Variants in APC observed in about 807,000 individuals in gnomAD.
The protein encoded by APC is adenomatous polyposis coli protein.
A neutral mutation model predicts 247.0 loss-of-function variants in APC; 72 were observed. The observed-to-expected ratio is 0.29, with a 90% confidence interval of 0.24 to 0.35. The LOEUF (loss-of-function observed/expected upper bound fraction) is 0.35. Among genes scored for constraint, APC ranks in the 10% least tolerant of loss-of-function variants. APC has a pLI of 1.00. For missense variants in APC, 3,400 were observed against 3,360.7 expected (o/e 1.01, Z -0.29); for synonymous variants, 1,254 against 1,162.5 (o/e 1.08, Z -1.60).
intron 5 of APC, among the ~76,000 whole-genome samples, chr5:112,779,780 C>T (rs1347344920): frequency 1.3e-5 from 2 of 152,106 alleles, no homozygotes; most frequent in Non-Finnish European, 2.9e-5. Flanking sequence ...TATTGCAACC[C>T]ATAATTTGGG....
intron 1 of APC, among the ~76,000 whole-genome samples, chr5:112,721,585 G>A (rs1374618485): frequency 6.6e-6 from 1 of 152,158 alleles, no homozygotes; most frequent in African/African-American, 2.4e-5. Context: ...GTGTTAGGTG[G>A]GTAATCCACG....
chr5:112,792,484 A>T lies in APC; in HGVS notation c.684A>T (p.Ile228=), dbSNP rs1057521466. Residue 228 remains isoleucine (I), a synonymous_variant, in exon 7 of 16, where the codon ATA becomes ATT. Coordinates refer to ENST00000257430, the MANE Select transcript of APC (RefSeq NM_000038.6). The part of the protein sequence containing the change: ...IARIQQIEKD[I]LRIRQLLQSQ... ...GAATTCAGCAAATCGAAAAGGACATACTTCGTATACGACAGCTTTTACAGT... is the reference window on the plus strand; with the variant it reads ...GAATTCAGCAAATCGAAAAGGACATTCTTCGTATACGACAGCTTTTACAGT... 2 of 1,612,498 alleles carry T rather than the reference A, an allele frequency of 1.2e-6. No homozygotes were observed. Among genetic ancestry groups the T allele is most frequent in the Non-Finnish European group, 1.7e-6 (2 of 1,179,060 alleles).
chr5:112,779,601 T>C (rs988967407), intron 5 of APC, among the ~76,000 whole-genome samples: 3 of 152,196 alleles, frequency 2.0e-5, no homozygotes, highest in African/African-American at 7.2e-5. Flanking sequence ...AAATACCTAC[T>C]TATCAAAACA....
In APC at chr5:112,839,078, TATAGC is replaced by T. The variant is rs1561585111; in HGVS notation, c.3488_3492del (p.Ser1163LysfsTer3). ...TGAAGAAGAAGAGAGACCAACAAAT[TATAGC>T]ATAAAATATAATGAAGAGAAACGTC... On this transcript the variant is annotated frameshift_variant, in exon 16 of 16. Coordinates refer to ENST00000257430, the MANE Select transcript of APC (RefSeq NM_000038.6). LOFTEE classifies it high-confidence loss of function. The surrounding 1 kb of genome is among the most constrained non-coding windows in gnomAD (Gnocchi z 5.0). The T allele has an allele frequency of 6.2e-7, 1 of 1,614,076 alleles. No homozygotes were observed. The highest frequency in any genetic ancestry group is 8.5e-7 in the Non-Finnish European group (1 of 1,180,008).
chr5:112,747,495 ACACTC>A (rs1753823467), intron 1 of APC, among the ~76,000 whole-genome samples: 1 of 152,244 alleles, frequency 6.6e-6, no homozygotes, highest in South Asian at 2.1e-4. Flanking sequence ...TTAGACCACT[ACACTC>A]ATGCCATACA....
intron 14 of APC, among the ~76,000 whole-genome samples, chr5:112,830,675 G>T (rs550231018): frequency 2.2e-4 from 33 of 152,272 alleles, no homozygotes; most frequent in African/African-American, 7.9e-4. Context: ...GCAAATTGTG[G>T]AATATTTGTA....
chr5:112,801,534 A>C (rs1341325017), intron 8 of APC, 151 bp downstream of exon 8: 1 of 571,766 alleles, frequency 1.7e-6, no homozygotes, highest in African/African-American at 1.9e-5. Context: ...ATGTGCTGTC[A>C]TTTCTCTTTA....
intron 1 of APC, among the ~76,000 whole-genome samples, chr5:112,715,416 T>G (rs1406444520): frequency 6.6e-6 from 1 of 152,168 alleles, no homozygotes; most frequent in East Asian, 1.9e-4. Context: ...GATACTACTT[T>G]AGTTTGGTAA....
intron 8 of APC, among the ~76,000 whole-genome samples, chr5:112,809,639 G>T (rs1335344569): frequency 6.6e-6 from 1 of 151,324 alleles, no homozygotes; most frequent in Non-Finnish European, 1.5e-5. Flanking sequence ...CTTGTCAAAT[G>T]CAATTCCTTG....
At position 112,828,020 on chromosome 5, in the gene APC, T is replaced by TTTCAC. The variant is rs1158901127; in HGVS notation, c.1626+15_1626+19dup. On this transcript the variant is annotated intron_variant, in intron 13 of 15. Coordinates refer to ENST00000257430, the MANE Select transcript of APC (RefSeq NM_000038.6). ...GACTTACAGCAGGTACTATTTAGAA[T>TTTCAC]TTCACCTGTTTTTCTTTTTTCTCTT... 6.2e-7 allele frequency: 1 copy of TTTCAC among 1,607,106 alleles called. No homozygotes were observed. The highest frequency in any genetic ancestry group is 2.2e-5 in the East Asian group (1 of 44,806).
chr5:112,766,436 A>G, intron 3 of APC, 26 bp downstream of exon 3: 4 of 1,521,672 alleles, frequency 2.6e-6, no homozygotes, highest in Middle Eastern at 1.7e-4. Context: ...GTGTTTTAAA[A>G]TAATTTTTTA....
At chr5:112,747,598 C>T (rs574957585) in intron 1 of APC, among the ~76,000 whole-genome samples, 2 of 152,228 alleles carry the variant, frequency 1.3e-5, no homozygotes, top group East Asian at 3.9e-4. Flanking sequence ...CCAAATTTAT[C>T]ACCTCTTTCG....
intron 1 of APC, among the ~76,000 whole-genome samples, chr5:112,713,749 C>A (rs1021110729): frequency 5.3e-5 from 8 of 152,142 alleles, no homozygotes; most frequent in Non-Finnish European, 1.0e-4. Flanking sequence ...CTCAGTGCAA[C>A]CTCTACCTCT....
intron 6 of APC, among the ~76,000 whole-genome samples, 179 bp from the exon 7 acceptor site, chr5:112,792,267 A>G (rs1352420415): frequency 6.6e-6 from 1 of 152,148 alleles, no homozygotes; most frequent in Non-Finnish European, 1.5e-5. Context: ...AAAAAAAGAA[A>G]AGAAAAATTG....
intron 1 of APC, among the ~76,000 whole-genome samples, chr5:112,729,045 C>A (rs75709300): frequency 6.6e-6 from 1 of 152,212 alleles, no homozygotes; most frequent in African/African-American, 2.4e-5. Flanking sequence ...TGGAAACGAT[C>A]TAATCTCCCA....
At chr5:112,834,895 T>C in intron 14 of APC, 56 bp from the exon 15 acceptor site, 1 of 1,475,436 alleles carries the variant, frequency 6.8e-7, no homozygotes, top group Non-Finnish European at 9.5e-7. Flanking sequence ...ACATAGAAGT[T>C]AATGAGAGAC....
chr5:112,830,221 C>G (rs145708089), intron 14 of APC, among the ~76,000 whole-genome samples: 2 of 152,236 alleles, frequency 1.3e-5, no homozygotes, highest in East Asian at 3.9e-4. Flanking sequence ...TTCAAATATA[C>G]TTAGCATCTG....
intron 8 of APC, chr5:112,810,367 T>G (rs1761866603): frequency 4.4e-6 from 1 of 228,086 alleles, no homozygotes; most frequent in African/African-American, 2.3e-5. Context: ...TGTTGGCTAT[T>G]TTTTCTATAA....
chr5:112,748,060 C>T (rs1561434581), intron 1 of APC, among the ~76,000 whole-genome samples: 1 of 152,134 alleles, frequency 6.6e-6, no homozygotes, highest in African/African-American at 2.4e-5. Context: ...CCCACAAAGC[C>T]TTATAATATT....
Sources: gnomAD v4.1 joint callset for allele counts (sites outside exome capture counted in the v4.1 genomes callset) on GRCh38, gnomAD v4.1.1 for gene constraint, Gnocchi (gnomAD v3.1) non-coding constraint, MANE v1.5 for transcripts, NCBI Gene and HGNC (gene_info 2026-07-23, HGNC 2026-07-21) for gene names.